PDZRN4: variants seen among roughly 807,000 people sequenced by gnomAD.
PDZRN4 encodes the protein PDZ domain-containing RING finger protein 4.
Under a neutral mutation model 99.0 loss-of-function variants are expected in PDZRN4, and 70 were observed. The ratio of observed to expected loss-of-function variants is 0.71; its 90% confidence interval spans 0.58 to 0.86. The LOEUF (loss-of-function observed/expected upper bound fraction) is 0.86. Ranked by LOEUF, PDZRN4 falls within the 40% of genes least tolerant of loss-of-function variation. The probability of loss-of-function intolerance (pLI) is 0.00; values close to 1 mark genes in which losing one functional copy is unlikely to be tolerated. For missense variants in PDZRN4, 1,474 were observed against 1,331.2 expected, an observed-to-expected ratio of 1.11 and a Z score of -1.67; for synonymous variants, 551 against 501.6, an observed-to-expected ratio of 1.10 and a Z score of -1.32.
At chr12:41,503,410 A>G (rs1427724836) in intron 3 of PDZRN4, among the ~76,000 whole-genome samples, 9 of 152,288 alleles carry the variant, frequency 5.9e-5, no homozygotes, top group African/African-American at 1.4e-4. Flanking sequence ...ATGAATGTAT[A>G]GGTCATATAA....
intron 3 of PDZRN4, among the ~76,000 whole-genome samples, chr12:41,397,937 A>G (rs904154719): frequency 6.6e-6 from 1 of 152,152 alleles, no homozygotes; most frequent in Non-Finnish European, 1.5e-5. Context: ...CATGGTTTAA[A>G]AAAAATAGGC....
intron 3 of PDZRN4, among the ~76,000 whole-genome samples, chr12:41,496,459 T>C (rs777525012): frequency 6.6e-6 from 1 of 152,112 alleles, no homozygotes; most frequent in Non-Finnish European, 1.5e-5. Flanking sequence ...AGAGTTTCAG[T>C]AACTTTCTCA....
In PDZRN4 at chr12:41,497,119, A is replaced by G. The variant is rs1592084991; in HGVS notation, c.844-9337A>G. 2.0e-5 allele frequency among the ~76,000 whole-genome samples: 3 copies of G among 152,256 alleles called. No individual in the cohort carries two copies. The South Asian group carries it at 6.2e-4, about 32-fold the overall frequency. ...GCTAAGTTGCAAGGTAGATTTCTACATCCTTTTGTGCTCTCATCACAAAGA... is the reference window on the plus strand; with the variant it reads ...GCTAAGTTGCAAGGTAGATTTCTACGTCCTTTTGTGCTCTCATCACAAAGA... On this transcript the variant is annotated intron_variant, in intron 3 of 9. Transcript: ENST00000402685.
rs1374884943 is a variant in PDZRN4, at chr12:41,572,864, G to A, written c.2085G>A (p.Gln695=). 6.2e-7 allele frequency: 1 copy of A among 1,614,144 alleles called. No individual in the cohort carries two copies. The highest frequency in any genetic ancestry group is 1.7e-5 in the Admixed American group (1 of 60,008). The change falls in exon 10 of 10, where the codon CAG becomes CAA. Residue 695 remains glutamine, a synonymous_variant. Coordinates refer to ENST00000402685, the MANE Select transcript of PDZRN4 (RefSeq NM_001164595.2). ...ACAGGCTCCAGAAAGTGACAGACCA[G>A]TATGGAGACATCTGGACATTGCATG... ...QAHRLQKVTD[Q]YGDIWTLHDG...
At chr12:41,568,048 T>C in intron 9 of PDZRN4, 149 bp downstream of exon 9, 1 of 591,936 alleles carries the variant, frequency 1.7e-6, no homozygotes, top group South Asian at 2.2e-5. Context: ...TCATCTCAAA[T>C]GAAGCAGAGG....
chr12:41,408,407 C>T (rs10785264), intron 3 of PDZRN4, among the ~76,000 whole-genome samples: 75,332 of 152,006 alleles, frequency 0.5, 19,332 homozygotes, highest in African/African-American at 0.65. Flanking sequence ...TAGTGGAGCT[C>T]CCTTTCTGCA....
At chr12:41,500,448 C>T (rs1938089808) in intron 3 of PDZRN4, among the ~76,000 whole-genome samples, 1 of 152,094 alleles carries the variant, frequency 6.6e-6, no homozygotes, top group African/African-American at 2.4e-5. Flanking sequence ...AATTATAGCA[C>T]TGTCCAAAGC....
chr12:41,291,352 C>T lies in PDZRN4; in HGVS notation c.843+97164C>T, dbSNP rs941498628. Among the ~76,000 whole-genome samples, 7 of 152,044 alleles carry T rather than the reference C, an allele frequency of 4.6e-5. 1 individual carries two copies. The South Asian group carries it at 1.0e-3, about 23-fold the overall frequency. ...TTAAATTTGCTTAGGTGAAGGCCTTCGTGAGCATGGTAGCATTTCTTGGAT... is the reference window on the plus strand; with the variant it reads ...TTAAATTTGCTTAGGTGAAGGCCTTTGTGAGCATGGTAGCATTTCTTGGAT... On this transcript the variant is annotated intron_variant, in intron 3 of 9. Coordinates refer to ENST00000402685, the MANE Select transcript of PDZRN4 (RefSeq NM_001164595.2).
Position 41,285,245 on chromosome 12 carries a change from A to T in PDZRN4, c.843+91057A>T, listed in dbSNP as rs147557750. On this transcript the variant is annotated intron_variant, in intron 3 of 9. Coordinates refer to ENST00000402685, the MANE Select transcript of PDZRN4 (RefSeq NM_001164595.2). ...AAGAAGACATTTATGTGGCTAACAA[A>T]CATATGAAAAGAAGCTCATCACTGG... Among the ~76,000 whole-genome samples, 151 of 152,316 alleles carry T rather than the reference A, an allele frequency of 9.9e-4. 3 individuals carry two copies. Among genetic ancestry groups the T allele is most frequent in the African/African-American group, 3.5e-3 (146 of 41,574 alleles).
intron 5 of PDZRN4, among the ~76,000 whole-genome samples, chr12:41,526,514 G>A (rs1388596753): frequency 1.3e-5 from 2 of 152,132 alleles, no homozygotes; most frequent in Admixed American, 1.3e-4. Flanking sequence ...AAACATGATG[G>A]TAATTGTTGG....
chr12:41,286,616 C>A (rs1278968926), intron 3 of PDZRN4, among the ~76,000 whole-genome samples: 1 of 152,112 alleles, frequency 6.6e-6, no homozygotes, highest in African/African-American at 2.4e-5. Context: ...ACTCACTATT[C>A]TTGGAGGCAC....
chr12:41,238,842 G>A (rs965225831), intron 3 of PDZRN4, among the ~76,000 whole-genome samples: 1 of 152,064 alleles, frequency 6.6e-6, no homozygotes, highest in African/African-American at 2.4e-5. Context: ...ATAGAAAAGG[G>A]AATGCTTTTA....
chr12:41,323,907 C>T lies in PDZRN4; in HGVS notation c.843+129719C>T, dbSNP rs982550602. ...ATTATTATTAAACTCAAACAGAAAACACGTTATAAAGATATAATCCAAAAC... is the reference window on the plus strand; with the variant it reads ...ATTATTATTAAACTCAAACAGAAAATACGTTATAAAGATATAATCCAAAAC... On this transcript the variant is annotated intron_variant, in intron 3 of 9. Transcript: ENST00000402685. 6.4e-4 allele frequency among the ~76,000 whole-genome samples: 98 copies of T among 151,954 alleles called. 1 individual carries two copies. Among genetic ancestry groups the T allele is most frequent in the African/African-American group, 2.2e-3 (91 of 41,508 alleles).
intron 3 of PDZRN4, among the ~76,000 whole-genome samples, chr12:41,264,511 A>C (rs1262774428): frequency 1.3e-5 from 2 of 151,188 alleles, no homozygotes; most frequent in African/African-American, 4.9e-5. Context: ...TATACTAGTG[A>C]AAGAACAGAG....
intron 3 of PDZRN4, among the ~76,000 whole-genome samples, chr12:41,282,182 A>G (rs1027935291): frequency 1.3e-5 from 2 of 152,212 alleles, no homozygotes; most frequent in Non-Finnish European, 2.9e-5. Context: ...AGGAATATTT[A>G]CCATGCAAAT....
intron 3 of PDZRN4, among the ~76,000 whole-genome samples, chr12:41,288,843 A>T (rs1464717392): frequency 6.6e-6 from 1 of 152,154 alleles, no homozygotes; most frequent in Non-Finnish European, 1.5e-5. Context: ...TTGTTAAACT[A>T]TCCAAGCCTT....
chr12:41,444,882 C>T (rs1035268736), intron 3 of PDZRN4, among the ~76,000 whole-genome samples: 18 of 151,776 alleles, frequency 1.2e-4, no homozygotes, highest in Non-Finnish European at 2.1e-4. Flanking sequence ...TTATTCAAGA[C>T]CTTTGAAGAA....
chr12:41,383,123 C>A (rs983857956), intron 3 of PDZRN4, among the ~76,000 whole-genome samples: 1 of 152,160 alleles, frequency 6.6e-6, no homozygotes, highest in Non-Finnish European at 1.5e-5. Context: ...CTTCTAGGTC[C>A]TCAGTTGTGT....
intron 3 of PDZRN4, among the ~76,000 whole-genome samples, chr12:41,390,406 T>A (rs117280566): frequency 6.6e-6 from 1 of 152,098 alleles, no homozygotes; most frequent in African/African-American, 2.4e-5. Flanking sequence ...ATTGTTGTTC[T>A]ATTTTGTTTT....
Sources: gnomAD v4.1 joint callset for allele counts (sites outside exome capture counted in the v4.1 genomes callset) on GRCh38, gnomAD v4.1.1 for gene constraint, MANE v1.5 for transcripts, NCBI Gene and HGNC (gene_info 2026-07-23, HGNC 2026-07-21) for gene names.